Variants in RBL1 observed in about 807,000 individuals in gnomAD.
The protein encoded by RBL1 is RB transcriptional corepressor like 1, also known as retinoblastoma-like protein 1.
A neutral mutation model predicts 123.0 loss-of-function variants in RBL1; 82 were observed. That is an observed-to-expected ratio of 0.67 (90% confidence interval 0.56 to 0.80). RBL1 has a LOEUF of 0.80. RBL1 is among the 30% of genes least tolerant of loss of function. RBL1 has a pLI of 0.00. For synonymous variants in RBL1, 405 were observed against 441.3 expected, an observed-to-expected ratio of 0.92 and a Z score of 1.03; for missense variants, 1,171 against 1,299.6, an observed-to-expected ratio of 0.90 and a Z score of 1.52.
rs146404394 is a variant in RBL1 at position 37,015,884 on chromosome 20, C to T, written c.2722+2395G>A. Among the ~76,000 whole-genome samples, 7 of 150,704 alleles carry T rather than the reference C, an allele frequency of 4.6e-5. No homozygotes were observed. In the East Asian group the frequency reaches 1.4e-3, roughly 30 times the overall value. ...GGGATTACAGGTGTCTGCCACTGCACCTGGTAATTTTTGTAGTTTTAGTAG... is the reference window on the plus strand; with the variant it reads ...GGGATTACAGGTGTCTGCCACTGCATCTGGTAATTTTTGTAGTTTTAGTAG... On this transcript the variant is annotated intron_variant, in intron 19 of 21. Transcript: ENST00000373664.
intron 1 of RBL1, among the ~76,000 whole-genome samples, chr20:37,090,369 G>A (rs766434304): frequency 6.6e-6 from 1 of 152,282 alleles, no homozygotes; most frequent in East Asian, 1.9e-4. Flanking sequence ...TGAATTACCA[G>A]AAGAGTTTTA....
chr20:37,020,848 G>GC, intron 17 of RBL1, 118 bp from the exon 18 acceptor site: 1 of 634,282 alleles, frequency 1.6e-6, no homozygotes, highest in Non-Finnish European at 2.7e-6. Context: ...TTAACCCCAG[G>GC]CCAGTCCATG....
chr20:37,070,196 G>C (rs1022610456), intron 2 of RBL1, among the ~76,000 whole-genome samples: 13 of 152,062 alleles, frequency 8.5e-5, no homozygotes, highest in Non-Finnish European at 1.6e-4. Context: ...TCTGAAACAA[G>C]TGCTGTGTCC....
intron 19 of RBL1, 113 bp downstream of exon 19, chr20:37,018,166 T>C (rs917177973): frequency 3.7e-5 from 45 of 1,221,532 alleles, no homozygotes; most frequent in Non-Finnish European, 4.4e-5. Context: ...ACATATGCAT[T>C]GTCCACCTCA....
In RBL1 at chr20:37,061,351, T is replaced by A. The variant is rs2065091320; in HGVS notation, c.1084-82A>T. 10 of 1,467,214 alleles carry A rather than the reference T, an allele frequency of 6.8e-6. No homozygotes were observed. The East Asian group carries it at 2.3e-4, about 34-fold the overall frequency. 90.9% of individuals were successfully genotyped at this position (1,467,214 alleles called of 1,614,324 possible). A position where few individuals can be genotyped will look rare whatever the true frequency, so the allele number is the denominator to read the frequency against. ...GTTTAATTCAGTGCATATACCATCT[T>A]CTCTATTCATATTTGTAATATCCAT... On this transcript the variant is annotated intron_variant, in intron 8 of 21. Coordinates refer to ENST00000373664, the MANE Select transcript of RBL1 (RefSeq NM_002895.5).
intron 7 of RBL1, among the ~76,000 whole-genome samples, chr20:37,064,623 T>A (rs938018249): frequency 4.6e-5 from 7 of 151,980 alleles, no homozygotes; most frequent in Admixed American, 6.6e-5. Context: ...TTTTTTTTTT[T>A]AATTGAGATG....
intron 18 of RBL1, among the ~76,000 whole-genome samples, chr20:37,019,637 A>G (rs1053855935): frequency 4.6e-5 from 7 of 152,118 alleles, no homozygotes; most frequent in Non-Finnish European, 4.4e-5. Flanking sequence ...GGATATAACT[A>G]CTAATACTGA....
At position 37,052,424 on chromosome 20, in the gene RBL1, C is replaced by T. The variant is rs570532055; in HGVS notation, c.1467+3129G>A. 3.4e-4 allele frequency among the ~76,000 whole-genome samples: 51 copies of T among 151,298 alleles called. No individual in the cohort carries two copies. In the South Asian group the frequency reaches 5.9e-3, roughly 17 times the overall value. On this transcript the variant is annotated intron_variant, in intron 11 of 21. Transcript: ENST00000373664. ...TCGGCTCACTGCAACCTCTTCCTCC[C>T]GGGCTCAAGCGATTCTCCTGCTTCA...
chr20:37,001,175 G>A (rs1370257901), intron 21 of RBL1, among the ~76,000 whole-genome samples: 2 of 150,026 alleles, frequency 1.3e-5, no homozygotes, highest in Non-Finnish European at 3.0e-5. Context: ...GGTGAGGGGC[G>A]CCTCTGCCCG....
At chr20:37,065,149 C>A (rs777533771) in intron 7 of RBL1, among the ~76,000 whole-genome samples, 7 of 151,996 alleles carry the variant, frequency 4.6e-5, no homozygotes, top group Non-Finnish European at 8.8e-5. Flanking sequence ...CCAGGCTGGT[C>A]TCCAACCTTC....
In RBL1 at chr20:37,022,768, T is replaced by C; in HGVS notation, c.2441A>G (p.Asn814Ser). 2 of 1,613,792 alleles carry C rather than the reference T, an allele frequency of 1.2e-6. No individual in the cohort carries two copies. Among genetic ancestry groups the C allele is most frequent in the East Asian group, 2.2e-5 (1 of 44,886 alleles). ...RDLCLKLDVSNELRRKIWTCF... is the reference protein window; with the variant it reads ...RDLCLKLDVSSELRRKIWTCF... ...CGTCCATATCTTCCTTCGTAACTCA[T>C]TTGAAACATCCAGTTTTAGACATAG... Residue 814 changes from asparagine to serine, a missense_variant, in exon 17 of 22, where the codon AAT becomes AGT. Transcript: ENST00000373664.
intron 2 of RBL1, among the ~76,000 whole-genome samples, chr20:37,080,678 C>T (rs1420816562): frequency 1.3e-5 from 2 of 152,086 alleles, no homozygotes; most frequent in Non-Finnish European, 2.9e-5. Flanking sequence ...AGGCTGGTCT[C>T]GAACTCCTGA....
At position 36,997,256 on chromosome 20, in the gene RBL1, G is replaced by C. The variant is rs1003821752; in HGVS notation, c.*1503C>G. The C allele has an allele frequency of 2.0e-5, 3 of 151,782 alleles. No homozygotes were observed. Among genetic ancestry groups the C allele is most frequent in the African/African-American group, 7.3e-5 (3 of 41,250 alleles). 9.4% of individuals were successfully genotyped at this position (151,782 alleles called of 1,614,324 possible). ...AAAAAAGCATCCCTAGTACTGAAAA[G>C]CATCCCTAACACTGAAAAAAGCATC... On this transcript the variant is annotated 3_prime_UTR_variant, in exon 22 of 22. Coordinates refer to ENST00000373664, the MANE Select transcript of RBL1 (RefSeq NM_002895.5).
chr20:37,018,802 T>C (rs1415519015), intron 18 of RBL1, among the ~76,000 whole-genome samples: 2 of 151,778 alleles, frequency 1.3e-5, no homozygotes, highest in East Asian at 3.9e-4. Context: ...AATACAAAAA[T>C]TATCTGGGTG....
intron 14 of RBL1, among the ~76,000 whole-genome samples, chr20:37,037,111 T>C (rs968948340): frequency 6.6e-6 from 1 of 152,242 alleles, no homozygotes; most frequent in African/African-American, 2.4e-5. Flanking sequence ...CAAATTTCTA[T>C]AGTTGTTTCC....
intron 13 of RBL1, among the ~76,000 whole-genome samples, chr20:37,043,217 C>G (rs964227981): frequency 4.0e-5 from 6 of 151,506 alleles, no homozygotes; most frequent in African/African-American, 9.7e-5. Flanking sequence ...CGCGGTGGCT[C>G]AAGCCTCTAG....
intron 11 of RBL1, among the ~76,000 whole-genome samples, chr20:37,048,537 A>G (rs931419005): frequency 6.6e-6 from 1 of 152,204 alleles, no homozygotes; most frequent in African/African-American, 2.4e-5. Flanking sequence ...AAACTGAGAT[A>G]TTCCAGAAAA....
intron 15 of RBL1, among the ~76,000 whole-genome samples, chr20:37,033,660 G>A (rs1195620429): frequency 4.6e-5 from 7 of 150,972 alleles, no homozygotes; most frequent in African/African-American, 7.3e-5. Context: ...CACCCAGGTG[G>A]GAGTGCAGTG....
intron 1 of RBL1, among the ~76,000 whole-genome samples, chr20:37,091,679 AAAAG>A (rs1475451747): frequency 6.6e-6 from 1 of 151,964 alleles, no homozygotes; most frequent in Non-Finnish European, 1.5e-5. Context: ...AAAAAAAAAA[AAAAG>A]AATTACAGAT....
Sources: gnomAD v4.1 joint callset for allele counts (sites outside exome capture counted in the v4.1 genomes callset) on GRCh38, gnomAD v4.1.1 for gene constraint, MANE v1.5 for transcripts, NCBI Gene and HGNC (gene_info 2026-07-23, HGNC 2026-07-21) for gene names.